Variants in ARID1B observed in about 807,000 individuals in gnomAD.
The protein encoded by ARID1B is AT-rich interactive domain-containing protein 1B.
Under a neutral mutation model 212.3 loss-of-function variants are expected in ARID1B, and 30 were observed. That is an observed-to-expected ratio of 0.14 (90% CI 0.11 to 0.19). The LOEUF (loss-of-function observed/expected upper bound fraction) is 0.19. Ranked by LOEUF, ARID1B falls within the 10% of genes least tolerant of loss-of-function variation. ARID1B has a pLI of 1.00. For missense variants in ARID1B, 2,891 were observed against 3,204.0 expected (o/e 0.90, Z 2.36); for synonymous variants, 1,402 against 1,301.7 (o/e 1.08, Z -1.66).
At chr6:157,001,361 T>C (rs1184232318) in intron 4 of ARID1B, among the ~76,000 whole-genome samples, 2 of 152,188 alleles carry the variant, frequency 1.3e-5, no homozygotes, top group Non-Finnish European at 2.9e-5. Flanking sequence ...CACGTCCCCC[T>C]CAGTCTACCT....
intron 4 of ARID1B, among the ~76,000 whole-genome samples, chr6:156,971,769 AG>A (rs1444299870): frequency 6.6e-6 from 1 of 152,188 alleles, no homozygotes; most frequent in Non-Finnish European, 1.5e-5. Context: ...AAGGCCAGCC[AG>A]AGAGTCTCTC....
At position 156,955,369 on chromosome 6, in the gene ARID1B, A is replaced by C. The variant is rs1793887954; in HGVS notation, c.2247+19793A>C. On this transcript the variant is annotated intron_variant, in intron 4 of 19. Coordinates refer to ENST00000636930, the MANE Select transcript of ARID1B (RefSeq NM_001374828.1). The surrounding 1 kb of genome is among the most constrained non-coding windows in gnomAD (Gnocchi z 4.2). ...TACTGTATGTTCCAGGCCATACATT[A>C]CATATTAACCACAATCCTGTCCTAG... 6.6e-6 allele frequency among the ~76,000 whole-genome samples: 1 copy of C among 152,208 alleles called. No individual in the cohort carries two copies. The highest frequency in any genetic ancestry group is 2.1e-4 in the South Asian group (1 of 4,828).
chr6:156,916,330 C>A (rs527919358), intron 3 of ARID1B, among the ~76,000 whole-genome samples: 1 of 152,216 alleles, frequency 6.6e-6, no homozygotes, highest in East Asian at 1.9e-4. Context: ...GTGAGTAGGT[C>A]TGGTTTATTC....
At position 157,206,512 on chromosome 6, in the gene ARID1B, A is replaced by G. The variant is rs1234770932; in HGVS notation, c.5740A>G (p.Ile1914Val). 2.5e-6 allele frequency: 4 copies of G among 1,614,074 alleles called. No homozygotes were observed. Among genetic ancestry groups the G allele is most frequent in the East Asian group, 2.2e-5 (1 of 44,882 alleles). Residue 1914 changes from isoleucine (I) to valine (V), a missense_variant, in exon 20 of 20, where the codon ATA (isoleucine) becomes GTA (valine). Around this residue, in one of 7 missense-constraint regions of ARID1B, gnomAD observed 332 missense variants for 369.2 expected, o/e 0.90. Transcript: ENST00000636930. The surrounding 1 kb of genome is among the most constrained non-coding windows in gnomAD (Gnocchi z 6.8). Reference sequence around the variant, plus strand: ...TAAGTTCGACAAGCTGCCAATAAAGATAGTCAAAAAGAACAACCTGTTTGT... The same window carrying G: ...TAAGTTCGACAAGCTGCCAATAAAGGTAGTCAAAAAGAACAACCTGTTTGT... ...ASKFDKLPIK[I>V]VKKNNLFVVD...
At chr6:157,166,161 T>C (rs1448099044) in intron 8 of ARID1B, 2 of 152,180 alleles carry the variant, frequency 1.3e-5, no homozygotes, top group African/African-American at 4.8e-5. Flanking sequence ...TTTAGGGCAA[T>C]CTCTACACCA....
chr6:157,064,319 A>T lies in ARID1B; in HGVS notation c.2248-20343A>T, dbSNP rs527824151. 8.5e-5 allele frequency among the ~76,000 whole-genome samples: 13 copies of T among 152,254 alleles called. 2 individuals carry two copies. In the South Asian group the frequency reaches 2.7e-3, roughly 32 times the overall value. Reference sequence around the variant, plus strand: ...ACTTTGCATGTATCTGCTGAACAGGAATACTTGTTTTTCATGAGACTCTAA... The same window carrying T: ...ACTTTGCATGTATCTGCTGAACAGGTATACTTGTTTTTCATGAGACTCTAA... On this transcript the variant is annotated intron_variant, in intron 4 of 19. Transcript: ENST00000636930.
intron 4 of ARID1B, chr6:156,940,525 G>C (rs902386915): frequency 1.3e-5 from 2 of 152,192 alleles, no homozygotes; most frequent in African/African-American, 4.8e-5. Context: ...TGTTAAACAG[G>C]ATATTGGAAG....
Position 157,148,047 on chromosome 6 carries a change from AAAAG to A in ARID1B, c.2762-561_2762-558del, listed in dbSNP as rs903798643. 7.3e-5 allele frequency among the ~76,000 whole-genome samples: 11 copies of A among 151,086 alleles called. No individual in the cohort carries two copies. The highest frequency in any genetic ancestry group is 1.5e-4 in the Non-Finnish European group (10 of 67,906). On this transcript the variant is annotated intron_variant, in intron 7 of 19. Transcript: ENST00000636930. This position sits in a 1 kb window ranked among gnomAD's most constrained non-coding sequence, Gnocchi z 5.6. ...CTGCTCGATCTGGTACTCAAGCAAA[AAAAG>A]AAAGAAAGAAAGAAAAATATTATTC... is the stretch of plus-strand genomic sequence containing the variant.
intron 8 of ARID1B, among the ~76,000 whole-genome samples, chr6:157,161,431 G>GTGTATATATA (rs540423195): frequency 7.2e-6 from 1 of 139,380 alleles, no homozygotes; most frequent in Admixed American, 7.2e-5. Context: ...TTGTGTGTGT[G>GTGTATATATA]TATATATATA....
intron 7 of ARID1B, among the ~76,000 whole-genome samples, chr6:157,147,770 C>T (rs559864635): frequency 4.4e-4 from 32 of 73,020 alleles, no homozygotes; most frequent in African/African-American, 2.3e-3. Flanking sequence ...CCCTCACCTC[C>T]GCCTCCGGCC....
At chr6:157,181,201 G>T (rs2128318055) in intron 12 of ARID1B, 23 bp downstream of exon 12, 1 of 1,609,822 alleles carries the variant, frequency 6.2e-7, no homozygotes, top group South Asian at 1.1e-5. Context: ...GAGGGAGGGG[G>T]TGAAAAAGGA....
At chr6:156,926,291 G>T (rs1791211964) in intron 3 of ARID1B, among the ~76,000 whole-genome samples, 1 of 152,196 alleles carries the variant, frequency 6.6e-6, no homozygotes, top group Admixed American at 6.5e-5. Flanking sequence ...TAAGATCATG[G>T]AGGGGTTTTG....
At chr6:157,119,430 CCT>C (rs1787549813) in intron 6 of ARID1B, 1 of 152,998 alleles carries the variant, frequency 6.5e-6, no homozygotes, top group South Asian at 2.1e-4. Flanking sequence ...TGCTGGCCTC[CCT>C]GTCATCACAC....
intron 4 of ARID1B, among the ~76,000 whole-genome samples, chr6:157,009,566 A>G (rs1410430426): frequency 6.6e-6 from 1 of 152,036 alleles, no homozygotes; most frequent in East Asian, 1.9e-4. Context: ...ATTGTATGTT[A>G]CTATATTAGA....
chr6:156,987,159 CAGAGAGAG>C (rs56189333), intron 4 of ARID1B, among the ~76,000 whole-genome samples: 40,199 of 141,492 alleles, frequency 0.28, 5,493 homozygotes, highest in Non-Finnish European at 0.31. Context: ...GCCTCGGTGA[CAGAGAGAG>C]AGAGAGAGAG....
chr6:156,940,390 C>CT (rs1048545742), intron 4 of ARID1B: 35 of 152,176 alleles, frequency 2.3e-4, no homozygotes, highest in African/African-American at 8.4e-4. Flanking sequence ...TTGAATAGTG[C>CT]TTATGGCACT....
At chr6:157,035,264 C>A (rs1781260188) in intron 4 of ARID1B, among the ~76,000 whole-genome samples, 1 of 152,110 alleles carries the variant, frequency 6.6e-6, no homozygotes, top group Non-Finnish European at 1.5e-5. Context: ...AAAAATAATT[C>A]TATTTGTGTT....
chr6:156,846,933 A>G (rs1784272824), intron 2 of ARID1B, among the ~76,000 whole-genome samples: 1 of 152,194 alleles, frequency 6.6e-6, no homozygotes, highest in African/African-American at 2.4e-5. Context: ...CCTAGAACAG[A>G]TTAAAACTTT....
intron 8 of ARID1B, among the ~76,000 whole-genome samples, chr6:157,161,401 G>A (rs1047559153): frequency 1.4e-5 from 2 of 147,872 alleles, no homozygotes; most frequent in African/African-American, 5.1e-5. Flanking sequence ...AGGGCTTGAC[G>A]GTCTTATTTT....
Sources: gnomAD v4.1 joint callset for allele counts (sites outside exome capture counted in the v4.1 genomes callset) on GRCh38, gnomAD v4.1.1 for gene constraint, gnomAD v4.1.1 regional missense constraint, Gnocchi (gnomAD v3.1) non-coding constraint, MANE v1.5 for transcripts, NCBI Gene and HGNC (gene_info 2026-07-23, HGNC 2026-07-21) for gene names.